MPO: variants seen among roughly 807,000 people sequenced by gnomAD.
MPO encodes myeloperoxidase.
In MPO, 57 loss-of-function variants were observed where a neutral mutation model predicts 69.4. The observed-to-expected ratio is 0.82, with a 90% CI of 0.66 to 1.02. MPO has a LOEUF of 1.02. Among genes scored for constraint, MPO ranks in the 50% least tolerant of loss-of-function variants. The probability of loss-of-function intolerance (pLI) is 0.00; values close to 1 mark genes in which losing one functional copy is unlikely to be tolerated. For synonymous variants in MPO, 426 were observed against 417.1 expected (o/e 1.02, Z -0.26); for missense variants, 971 against 1,014.1 (o/e 0.96, Z 0.58).
rs1264277596 is a variant in MPO, at chr17:58,275,105, C to T, written c.1365+437G>A. ...GTCTTGATCTCCTGACCTCGTGATC[C>T]ACCCGCCTCCGCCTCCCAAAGTGCT... is the stretch of plus-strand genomic sequence containing the variant. On this transcript the variant is annotated intron_variant, in intron 8 of 11. Coordinates refer to ENST00000225275, the MANE Select transcript of MPO (RefSeq NM_000250.2). This position sits in a 1 kb window ranked among gnomAD's most constrained non-coding sequence, Gnocchi z 4.1. 6.6e-6 allele frequency among the ~76,000 whole-genome samples: 1 copy of T among 152,066 alleles called. No homozygotes were observed. Among genetic ancestry groups the T allele is most frequent in the African/African-American group, 2.4e-5 (1 of 41,404 alleles).
At chr17:58,276,861 C>A (rs1172230052) in intron 7 of MPO, among the ~76,000 whole-genome samples, 1 of 152,170 alleles carries the variant, frequency 6.6e-6, no homozygotes, top group Non-Finnish European at 1.5e-5. Context: ...GTAATCCCAG[C>A]ACTTTGGGAG....
rs770356554 is a variant in MPO, at chr17:58,270,720, C to G, written c.2174G>C (p.Arg725Pro). ...NNIFMSNSYPRDFVNCSTLPA... is the reference protein window; with the variant it reads ...NNIFMSNSYPPDFVNCSTLPA... ...AAGTGTACTGCAGTTGACAAAGTCC[C>G]GGGGATATGAGTTGGACATGAAGAT... Residue 725 changes from arginine (R) to proline (P), a missense_variant, in exon 12 of 12, where the codon CGG becomes CCG. Transcript: ENST00000225275. The surrounding 1 kb of genome is among the most constrained non-coding windows in gnomAD (Gnocchi z 4.1). 1.8e-5 allele frequency: 29 copies of G among 1,614,068 alleles called. No homozygotes were observed. The South Asian group carries it at 3.2e-4, about 18-fold the overall frequency.
intron 8 of MPO, among the ~76,000 whole-genome samples, chr17:58,274,463 G>A (rs112171098): frequency 0.024 from 3,651 of 151,754 alleles, 144 homozygotes; most frequent in African/African-American, 0.083. Context: ...ACAGAACCAG[G>A]AACATTGCCC....
intron 3 of MPO, 61 bp from the exon 4 acceptor site, chr17:58,279,707 G>GAGGAGGGAT (rs1970488862): frequency 1.9e-6 from 3 of 1,613,652 alleles, no homozygotes; most frequent in African/African-American, 2.7e-5. Context: ...CAGGCAACCT[G>GAGGAGGGAT]AGGCTGAGGA....
Position 58,272,881 on chromosome 17 carries a change from G to T in MPO, c.1659C>A (p.Thr553=), listed in dbSNP as rs751022705. ...GGTTCTGACGATTCAGCTTGGCAGGGGTGGCCATGAGGCCCCGGAGGATGG... is the reference window on the plus strand; with the variant it reads ...GGTTCTGACGATTCAGCTTGGCAGGTGTGGCCATGAGGCCCCGGAGGATGG... ...IDPILRGLMA[T]PAKLNRQNQI... is the part of the protein sequence containing the mutation. The change falls in exon 10 of 12, where the codon ACC becomes ACA. Residue 553 remains threonine, a synonymous_variant. Coordinates refer to ENST00000225275, the MANE Select transcript of MPO (RefSeq NM_000250.2). 1.9e-6 allele frequency: 3 copies of T among 1,614,140 alleles called. No homozygotes were observed. The highest frequency in any genetic ancestry group is 2.2e-5 in the South Asian group (2 of 91,080).
chr17:58,273,333 C>T, intron 9 of MPO, 81 bp downstream of exon 9: 1 of 1,607,484 alleles, frequency 6.2e-7, no homozygotes. Context: ...CTGCTCCCCA[C>T]CCTAGCTCCC....
Position 58,280,693 on chromosome 17 carries a change from A to G in MPO, c.66T>C (p.Gly22=). ...GAAGCAGCTTCATCTCTGCAGTGAG[A>G]CCCCCAGCCCAGCAAGGTCCTAAGT... ...MVDLGPCWAG[G]LTAEMKLLLA... Residue 22 remains glycine, a synonymous_variant, in exon 1 of 12, where the codon GGT becomes GGC. Coordinates refer to ENST00000225275, the MANE Select transcript of MPO (RefSeq NM_000250.2). 1 of 1,614,048 alleles carries G rather than the reference A, an allele frequency of 6.2e-7. No homozygotes were observed. The highest frequency in any genetic ancestry group is 2.2e-5 in the East Asian group (1 of 44,872).
In MPO at chr17:58,275,109, C is replaced by T. The variant is rs1258499807; in HGVS notation, c.1365+433G>A. 4.6e-5 allele frequency among the ~76,000 whole-genome samples: 7 copies of T among 152,050 alleles called. No individual in the cohort carries two copies. Among genetic ancestry groups the T allele is most frequent in the Non-Finnish European group, 1.0e-4 (7 of 68,008 alleles). On this transcript the variant is annotated intron_variant, in intron 8 of 11. Coordinates refer to ENST00000225275, the MANE Select transcript of MPO (RefSeq NM_000250.2). The surrounding 1 kb of genome is among the most constrained non-coding windows in gnomAD (Gnocchi z 4.1). ...TGATCTCCTGACCTCGTGATCCACCCGCCTCCGCCTCCCAAAGTGCTGGGA... is the reference window on the plus strand; with the variant it reads ...TGATCTCCTGACCTCGTGATCCACCTGCCTCCGCCTCCCAAAGTGCTGGGA...
chr17:58,271,643 G>C lies in MPO; in HGVS notation c.2030+12C>G, dbSNP rs35614168. ...AGCCACCCAGCGGCCCACGACGCCT[G>C]CCCCTCCTCACCGATCACCATCCCG... is the stretch of plus-strand genomic sequence containing the variant. On this transcript the variant is annotated intron_variant, in intron 11 of 11. Transcript: ENST00000225275. 1 of 1,613,192 alleles carries C rather than the reference G, an allele frequency of 6.2e-7. No homozygotes were observed. The highest frequency in any genetic ancestry group is 8.5e-7 in the Non-Finnish European group (1 of 1,179,702).
Position 58,271,859 on chromosome 17 carries a change from G to A in MPO, c.1826C>T (p.Pro609Leu), listed in dbSNP as rs762964641. Residue 609 changes from proline to leucine, a missense_variant, in exon 11 of 12, where the codon CCG (proline) becomes CTG (leucine). Pro to Leu is a moderately conservative substitution (Grantham distance 98, BLOSUM62 -3). Transcript: ENST00000225275. ...YNAWRRFCGL[P>L]QPETVGQLGT... ...CAGCTGGCCCACAGTTTCAGGCTGC[G>A]GGAGCCCACAGAAGCGCCTCCAGGC... 49 of 1,614,026 alleles carry A rather than the reference G, an allele frequency of 3.0e-5. No individual in the cohort carries two copies. The highest frequency in any genetic ancestry group is 4.5e-5 in the East Asian group (2 of 44,896).
chr17:58,271,805 G>A lies in MPO; in HGVS notation c.1880C>T (p.Ala627Val), dbSNP rs751922909. 34 of 1,614,056 alleles carry A rather than the reference G, an allele frequency of 2.1e-5. No individual in the cohort carries two copies. Among genetic ancestry groups the A allele is most frequent in the Middle Eastern group, 1.6e-4 (1 of 6,084 alleles). Residue 627 changes from alanine to valine, a missense_variant, in exon 11 of 12, where the codon GCG becomes GTG. Ala to Val is a moderately conservative substitution (Grantham distance 64). Transcript: ENST00000225275. ...GCCATACTGCTCCATCAGTTTCCTCGCCAATTTCAGGTTCCTCAGCACCGT... is the reference window on the plus strand; with the variant it reads ...GCCATACTGCTCCATCAGTTTCCTCACCAATTTCAGGTTCCTCAGCACCGT... ...LGTVLRNLKL[A>V]RKLMEQYGTP...
At position 58,275,392 on chromosome 17, in the gene MPO, G is replaced by C. The variant is rs544790624; in HGVS notation, c.1365+150C>G. On this transcript the variant is annotated intron_variant, in intron 8 of 11. Transcript: ENST00000225275. The surrounding 1 kb of genome is among the most constrained non-coding windows in gnomAD (Gnocchi z 4.1). ...TTTGTCAAGCACTTACTATCTGAAA[G>C]GTGTTTTCATATATGTATTATAATC... The C allele has an allele frequency of 1.1e-5, 11 of 966,118 alleles. No individual in the cohort carries two copies. In the African/African-American group the frequency reaches 1.8e-4, roughly 16 times the overall value. 59.8% of individuals were successfully genotyped at this position (966,118 alleles called of 1,614,324 possible).
Position 58,280,386 on chromosome 17 carries a change from G to A in MPO, c.228C>T (p.Ala76=). ...MEEAKQLVDK[A]YKERRESIKQ... is the part of the protein sequence containing the mutation. Reference sequence around the variant, plus strand: ...CCCACCTTTCCCGCCGCTCCTTGTAGGCCTTGTCCACCAGCTGCTTGGCCT... The same window carrying A: ...CCCACCTTTCCCGCCGCTCCTTGTAAGCCTTGTCCACCAGCTGCTTGGCCT... The change falls in exon 2 of 12, where the codon GCC becomes GCT. Residue 76 remains alanine (A), a synonymous_variant. Transcript: ENST00000225275. The A allele has an allele frequency of 6.2e-7, 1 of 1,614,106 alleles. No individual in the cohort carries two copies. Among genetic ancestry groups the A allele is most frequent in the Non-Finnish European group, 8.5e-7 (1 of 1,180,002 alleles).
At chr17:58,280,583 C>T in intron 1 of MPO, 22 bp downstream of exon 1, 5 of 1,614,212 alleles carry the variant, frequency 3.1e-6, no homozygotes, top group Non-Finnish European at 4.2e-6. Context: ...ACACCATCTT[C>T]TCCCACCTTG....
At position 58,275,635 on chromosome 17, in the gene MPO, G is replaced by A. The variant is rs778225777; in HGVS notation, c.1272C>T (p.Asn424=). 30 of 1,614,080 alleles carry A rather than the reference G, an allele frequency of 1.9e-5. No homozygotes were observed. In the Admixed American group the frequency reaches 4.8e-4, roughly 26 times the overall value. Residue 424 remains asparagine (N), a synonymous_variant, in exon 8 of 12, where the codon AAC becomes AAT. Coordinates refer to ENST00000225275, the MANE Select transcript of MPO (RefSeq NM_000250.2). The surrounding 1 kb of genome is among the most constrained non-coding windows in gnomAD (Gnocchi z 4.1). ...GGCTCTTGAGCTCTGTGGCCAGCCG[G>A]TTGTGCTCCCGAAGTAAGAGGGTGT... ...SMHTLLLREH[N]RLATELKSLN...
In MPO at chr17:58,277,401, A is replaced by G. The variant is rs547993885; in HGVS notation, c.1204+426T>C. 1.6e-4 allele frequency among the ~76,000 whole-genome samples: 25 copies of G among 152,348 alleles called. No individual in the cohort carries two copies. The South Asian group carries it at 5.0e-3, about 30-fold the overall frequency. On this transcript the variant is annotated intron_variant, in intron 7 of 11. Coordinates refer to ENST00000225275, the MANE Select transcript of MPO (RefSeq NM_000250.2). ...AAACTGGGTTTATTTAATTTAAAAT[A>G]ACTAAAATTAAAATAGCCACATGCA... is the stretch of plus-strand genomic sequence containing the variant.
chr17:58,275,650 T>A lies in MPO; in HGVS notation c.1257A>T (p.Leu419Phe). Reference sequence around the variant, plus strand: ...TGGCCAGCCGGTTGTGCTCCCGAAGTAAGAGGGTGTGCATGGAGGTGAGCT... The same window carrying A: ...TGGCCAGCCGGTTGTGCTCCCGAAGAAAGAGGGTGTGCATGGAGGTGAGCT... ...MPELTSMHTL[L>F]LREHNRLATE... The change falls in exon 8 of 12, where the codon TTA becomes TTT. Residue 419 changes from leucine (L) to phenylalanine (F), a missense_variant. Coordinates refer to ENST00000225275, the MANE Select transcript of MPO (RefSeq NM_000250.2). The surrounding 1 kb of genome is among the most constrained non-coding windows in gnomAD (Gnocchi z 4.1). 6.2e-7 allele frequency: 1 copy of A among 1,614,162 alleles called. No individual in the cohort carries two copies. Among genetic ancestry groups the A allele is most frequent in the South Asian group, 1.1e-5 (1 of 91,082 alleles).
At position 58,277,315 on chromosome 17, in the gene MPO, TA is replaced by T. The variant is rs1296508842; in HGVS notation, c.1204+511del. Among the ~76,000 whole-genome samples the T allele has an allele frequency of 5.9e-5, 9 of 152,242 alleles. No individual in the cohort carries two copies. In the East Asian group the frequency reaches 1.2e-3, roughly 20 times the overall value. On this transcript the variant is annotated intron_variant, in intron 7 of 11. Transcript: ENST00000225275. ...AATATTTTACATCTGTGCCACCCAA[TA>T]GGGGGAGCCACTAGACTGTAAGGCA...
chr17:58,271,644 C>T lies in MPO; in HGVS notation c.2030+11G>A, dbSNP rs1450589448. 3 of 1,613,312 alleles carry T rather than the reference C, an allele frequency of 1.9e-6. No individual in the cohort carries two copies. In the Admixed American group the frequency reaches 5.0e-5, roughly 27 times the overall value. On this transcript the variant is annotated intron_variant, in intron 11 of 11. Coordinates refer to ENST00000225275, the MANE Select transcript of MPO (RefSeq NM_000250.2). ...GCCACCCAGCGGCCCACGACGCCTGCCCCTCCTCACCGATCACCATCCCGG... is the reference window on the plus strand; with the variant it reads ...GCCACCCAGCGGCCCACGACGCCTGTCCCTCCTCACCGATCACCATCCCGG...
Sources: allele counts gnomAD v4.1 joint callset (sites outside exome capture counted in the v4.1 genomes callset), GRCh38; gene constraint gnomAD v4.1.1; non-coding constraint Gnocchi (gnomAD v3.1); transcripts MANE v1.5; gene names NCBI Gene and HGNC (gene_info 2026-07-23, HGNC 2026-07-21).